ST14: variants seen among roughly 807,000 people sequenced by gnomAD.
ST14 encodes the protein suppressor of tumorigenicity 14 protein.
ST14 carries 40 observed loss-of-function variants against 96.5 expected under a neutral mutation model. The observed-to-expected ratio is 0.41, with a 90% CI of 0.32 to 0.54. The LOEUF (loss-of-function observed/expected upper bound fraction) is 0.54. ST14 is among the 20% of genes least tolerant of loss of function. The pLI is 0.17. For synonymous variants in ST14, 506 were observed against 492.1 expected, an observed-to-expected ratio of 1.03 and a Z score of -0.37; for missense variants, 1,066 against 1,188.9, an observed-to-expected ratio of 0.90 and a Z score of 1.52.
intron 16 of ST14, among the ~76,000 whole-genome samples, chr11:130,206,679 T>A (rs1953493112): frequency 6.6e-6 from 1 of 151,954 alleles, no homozygotes; most frequent in African/African-American, 2.4e-5. Flanking sequence ...GCAATTCTCC[T>A]GCCTCAGCCT....
At chr11:130,206,279 G>C (rs192553006) in intron 16 of ST14, among the ~76,000 whole-genome samples, 3 of 152,296 alleles carry the variant, frequency 2.0e-5, no homozygotes, top group Admixed American at 2.0e-4. Flanking sequence ...CCCCGTGAAG[G>C]GGGCTGGTCG....
rs1045363948 is a variant in ST14 at position 130,190,486 on chromosome 11, G to T, written c.667G>T (p.Val223Leu). 2 of 1,608,182 alleles carry T rather than the reference G, an allele frequency of 1.2e-6. No homozygotes were observed. The highest frequency in any genetic ancestry group is 1.7e-6 in the Non-Finnish European group (2 of 1,179,908). ...CAGCTTTGGCCTGCACGCCCGCGGT[G>T]TGGAGCTGATGCGCTTCACCACGCC... ...SCSFGLHARGVELMRFTTPGF... is the reference protein window; with the variant it reads ...SCSFGLHARGLELMRFTTPGF... Residue 223 changes from valine to leucine, a missense_variant, in exon 7 of 19, where the codon GTG becomes TTG. Physicochemically the swap from Val to Leu is conservative, Grantham distance 32 (BLOSUM62 1). Transcript: ENST00000278742.
At chr11:130,186,991 G>A (rs1953243695) in intron 1 of ST14, among the ~76,000 whole-genome samples, 2 of 152,202 alleles carry the variant, frequency 1.3e-5, no homozygotes, top group South Asian at 4.1e-4. Flanking sequence ...AGTAAGGCAG[G>A]AGTGAGGAGA....
Position 130,188,618 on chromosome 11 carries a change from C to A in ST14, c.330C>A (p.Ser110=). 9 of 1,614,242 alleles carry A rather than the reference C, an allele frequency of 5.6e-6. No individual in the cohort carries two copies. The highest frequency in any genetic ancestry group is 7.6e-6 in the Non-Finnish European group (9 of 1,180,042). The change falls in exon 3 of 19, where the codon TCC becomes TCA. Residue 110 remains serine, a synonymous_variant. Transcript: ENST00000278742. This position sits in a 1 kb window ranked among gnomAD's most constrained non-coding sequence, Gnocchi z 5.4. ...TGGATGCCTACGAGAACTCCAACTC[C>A]ACTGAGTTTGTAAGCCTGGCCAGCA... ...NFVDAYENSN[S]TEFVSLASKV... is the part of the protein sequence containing the mutation.
Position 130,190,456 on chromosome 11 carries a change from A to G in ST14, c.637A>G (p.Ser213Gly). 5.0e-6 allele frequency: 8 copies of G among 1,606,548 alleles called. No individual in the cohort carries two copies. Among genetic ancestry groups the G allele is most frequent in the Non-Finnish European group, 6.8e-6 (8 of 1,179,878 alleles). The change falls in exon 7 of 19, where the codon AGC becomes GGC. Residue 213 changes from serine (S) to glycine (G), a missense_variant and splice_region_variant. Coordinates refer to ENST00000278742, the MANE Select transcript of ST14 (RefSeq NM_021978.4). The part of the protein sequence containing the change: ...SKTVQRTQDN[S>G]CSFGLHARGV... The stretch of plus-strand genomic sequence containing the variant: ...CCTCCTTCTTGTCTCCTGCGCAGAC[A>G]GCTGCAGCTTTGGCCTGCACGCCCG...
At chr11:130,209,362 C>T in intron 17 of ST14, 80 bp from the exon 18 acceptor site, 3 of 1,534,780 alleles carry the variant, frequency 2.0e-6, no homozygotes, top group Non-Finnish European at 2.6e-6. Context: ...TTTTCTAGTC[C>T]AATGACCCGT....
chr11:130,186,036 G>A (rs902830782), intron 1 of ST14, among the ~76,000 whole-genome samples: 5 of 152,126 alleles, frequency 3.3e-5, no homozygotes, highest in African/African-American at 4.8e-5. Context: ...TCGAACTCCC[G>A]ACCTCAGATG....
chr11:130,189,213 T>A, intron 4 of ST14: 1 of 558,332 alleles, frequency 1.8e-6, no homozygotes. Context: ...TTCTTTGTTG[T>A]TTTTCCAAAT....
At chr11:130,182,652 CT>C (rs766643910) in intron 1 of ST14, among the ~76,000 whole-genome samples, 561 of 137,168 alleles carry the variant, frequency 4.1e-3, no homozygotes, top group African/African-American at 5.9e-3. Flanking sequence ...TGTTAAATAT[CT>C]TTTTTTTTTT....
chr11:130,170,409 G>C (rs189501927), intron 1 of ST14, among the ~76,000 whole-genome samples: 5 of 152,132 alleles, frequency 3.3e-5, no homozygotes, highest in African/African-American at 1.2e-4. Flanking sequence ...TGAGGGTGGA[G>C]GGGGAGGGAG....
Position 130,198,309 on chromosome 11 carries a change from T to C in ST14, c.1461T>C (p.Ser487=). Residue 487 remains serine (S), a splice_region_variant and synonymous_variant, in exon 13 of 19, where the codon AGT becomes AGC. Transcript: ENST00000278742. ...CTDHSDELNC[S]CDAGHQFTCK... ...CGACCTCCCCTTACCCCACTCCAGG[T>C]TGCGACGCCGGCCACCAGTTCACGT... The C allele has an allele frequency of 6.2e-7, 1 of 1,614,078 alleles. No individual in the cohort carries two copies. The highest frequency in any genetic ancestry group is 8.5e-7 in the Non-Finnish European group (1 of 1,180,002).
intron 16 of ST14, among the ~76,000 whole-genome samples, chr11:130,202,422 G>A (rs1400008837): frequency 6.6e-6 from 1 of 152,188 alleles, no homozygotes; most frequent in East Asian, 1.9e-4. Context: ...TGGCAGGGCT[G>A]TGTCCAGGCT....
In ST14 at chr11:130,177,603, C is replaced by T. The variant is rs191948509; in HGVS notation, c.82-10511C>T. Among the ~76,000 whole-genome samples, 17 of 152,278 alleles carry T rather than the reference C, an allele frequency of 1.1e-4. 1 individual carries two copies. The East Asian group carries it at 3.1e-3, about 28-fold the overall frequency. Reference sequence around the variant, plus strand: ...TTTTTGTTTTGCCAACTGCCATCTCCTAAGTTGAGACCATGCTTGCTATGA... The same window carrying T: ...TTTTTGTTTTGCCAACTGCCATCTCTTAAGTTGAGACCATGCTTGCTATGA... On this transcript the variant is annotated intron_variant, in intron 1 of 18. Coordinates refer to ENST00000278742, the MANE Select transcript of ST14 (RefSeq NM_021978.4).
chr11:130,164,212 G>A (rs1209510654), intron 1 of ST14, among the ~76,000 whole-genome samples: 1 of 152,174 alleles, frequency 6.6e-6, no homozygotes, highest in Non-Finnish European at 1.5e-5. Flanking sequence ...AATGATTACT[G>A]GAGTGTCTAG....
chr11:130,168,482 T>A (rs945449361), intron 1 of ST14, among the ~76,000 whole-genome samples: 9 of 152,214 alleles, frequency 5.9e-5, no homozygotes, highest in African/African-American at 2.2e-4. Context: ...GAAACTAGGC[T>A]GGTTCTGTTG....
rs540322033 is a variant in ST14, at chr11:130,176,224, T to C, written c.82-11890T>C. Among the ~76,000 whole-genome samples, 19 of 152,230 alleles carry C rather than the reference T, an allele frequency of 1.2e-4. No homozygotes were observed. The South Asian group carries it at 3.3e-3, about 27-fold the overall frequency. On this transcript the variant is annotated intron_variant, in intron 1 of 18. Coordinates refer to ENST00000278742, the MANE Select transcript of ST14 (RefSeq NM_021978.4). The stretch of plus-strand genomic sequence containing the variant: ...AGGACTGTGATTCTCATAGTTATCA[T>C]TGGTACCTCTTTTTCTAGTTATTAT...
chr11:130,175,471 C>T (rs1472649207), intron 1 of ST14, among the ~76,000 whole-genome samples: 2 of 151,878 alleles, frequency 1.3e-5, no homozygotes, highest in Admixed American at 6.6e-5. Context: ...CCTCCGTCTC[C>T]CAGGTTCAAG....
chr11:130,168,110 G>A (rs571550387), intron 1 of ST14, among the ~76,000 whole-genome samples: 3 of 152,226 alleles, frequency 2.0e-5, no homozygotes, highest in Admixed American at 6.5e-5. Flanking sequence ...AGCTTTCATC[G>A]AGGGAACATA....
At chr11:130,183,847 C>T (rs145437262) in intron 1 of ST14, among the ~76,000 whole-genome samples, 1 of 152,246 alleles carries the variant, frequency 6.6e-6, no homozygotes, top group East Asian at 1.9e-4. Context: ...TCTAGCAGCT[C>T]TGTTTGTAAT....
Sources: gnomAD v4.1 joint callset for allele counts (sites outside exome capture counted in the v4.1 genomes callset) on GRCh38, gnomAD v4.1.1 for gene constraint, Gnocchi (gnomAD v3.1) non-coding constraint, MANE v1.5 for transcripts, NCBI Gene and HGNC (gene_info 2026-07-23, HGNC 2026-07-21) for gene names.